Variants in STAB2 observed in about 807,000 individuals in gnomAD.
STAB2 encodes the protein stabilin 2.
A neutral mutation model predicts 338.1 loss-of-function variants in STAB2; 288 were observed. The observed-to-expected ratio is 0.85, with a 90% CI of 0.77 to 0.94. The LOEUF (loss-of-function observed/expected upper bound fraction) is 0.94, where lower values mean the gene tolerates loss of function less well. Among genes scored for constraint, STAB2 ranks in the 40% least tolerant of loss-of-function variants. The pLI, the probability that STAB2 is intolerant of heterozygous loss-of-function variation, is 0.00. For synonymous variants in STAB2, 1,202 were observed against 1,193.3 expected (o/e 1.01, Z -0.15); for missense variants, 3,141 against 3,210.1 (o/e 0.98, Z 0.52).
intron 3 of STAB2, among the ~76,000 whole-genome samples, chr12:103,603,942 G>A (rs1422222132): frequency 6.6e-6 from 1 of 152,100 alleles, no homozygotes; most frequent in Non-Finnish European, 1.5e-5. Flanking sequence ...ATTCTTATCA[G>A]ATTCACACCT....
intron 61 of STAB2, 98 bp from the exon 62 acceptor site, chr12:103,755,204 T>G: frequency 6.6e-7 from 1 of 1,510,086 alleles, no homozygotes; most frequent in Non-Finnish European, 8.9e-7. Context: ...TGAGACTTTA[T>G]GGGTTTTATG....
chr12:103,698,131 C>T (rs1878559374), intron 33 of STAB2, among the ~76,000 whole-genome samples: 1 of 152,136 alleles, frequency 6.6e-6, no homozygotes, highest in Non-Finnish European at 1.5e-5. Context: ...TTCCTCTTTC[C>T]CCTCCAGCCC....
At chr12:103,759,303 A>C (rs1884370342) in intron 65 of STAB2, 30 bp downstream of exon 65, 7 of 1,608,844 alleles carry the variant, frequency 4.4e-6, no homozygotes, top group Non-Finnish European at 5.9e-6. Flanking sequence ...TCTTGGGGGA[A>C]CGGGAGATAA....
chr12:103,716,322 G>T (rs759381463), intron 43 of STAB2, among the ~76,000 whole-genome samples: 7 of 152,212 alleles, frequency 4.6e-5, no homozygotes, highest in South Asian at 2.1e-4. Context: ...TGCAGCATCT[G>T]TCTGGAGAGC....
intron 3 of STAB2, among the ~76,000 whole-genome samples, chr12:103,596,345 C>T (rs541361254): frequency 6.6e-6 from 1 of 152,214 alleles, no homozygotes; most frequent in South Asian, 2.1e-4. Context: ...TCAGCATGTC[C>T]GACATATGAA....
chr12:103,762,396 T>A lies in STAB2; in HGVS notation c.7482T>A (p.His2494Gln). The stretch of plus-strand genomic sequence containing the variant: ...ACCGGAGAACAATCGGCTTCCAGCA[T>A]TTTGAGGTAAGAGAGAAAAATGGGA... ...RINRRTIGFQ[H>Q]FESEEDINVA... The change falls in exon 67 of 69, where the codon CAT becomes CAA. Residue 2494 changes from histidine to glutamine, a missense_variant. Transcript: ENST00000388887. 1 of 1,614,200 alleles carries A rather than the reference T, an allele frequency of 6.2e-7. No individual in the cohort carries two copies. Among genetic ancestry groups the A allele is most frequent in the Non-Finnish European group, 8.5e-7 (1 of 1,180,034 alleles).
chr12:103,674,219 C>A, intron 23 of STAB2, 132 bp downstream of exon 23: 1 of 1,049,614 alleles, frequency 9.5e-7, no homozygotes, highest in Non-Finnish European at 1.3e-6. Flanking sequence ...CTGTTATCTC[C>A]AGCTGACAGT....
rs1306613614 is a variant in STAB2, at chr12:103,703,262, A to C, written c.3829A>C (p.Thr1277Pro). ...IQKNRCDNNDTTIIRGRCRTC... is the reference protein window; with the variant it reads ...IQKNRCDNNDPTIIRGRCRTC... Reference sequence around the variant, plus strand: ...GAAGAACAGATGTGATAATAATGACACTACTATTATACGAGTAAGTTCTAT... The same window carrying C: ...GAAGAACAGATGTGATAATAATGACCCTACTATTATACGAGTAAGTTCTAT... Residue 1277 changes from threonine (T) to proline (P), a missense_variant, in exon 35 of 69, where the codon ACT becomes CCT. Coordinates refer to ENST00000388887, the MANE Select transcript of STAB2 (RefSeq NM_017564.10). 6.2e-7 allele frequency: 1 copy of C among 1,613,302 alleles called. No individual in the cohort carries two copies. Among genetic ancestry groups the C allele is most frequent in the Admixed American group, 1.7e-5 (1 of 60,026 alleles).
Position 103,718,166 on chromosome 12 carries a change from C to A in STAB2, c.4683+325C>A, listed in dbSNP as rs181033818. ...CATGTCTCTCACCTCCTCTAGGAAG[C>A]CATCTTAGGTAAACCTCACAGCAAC... On this transcript the variant is annotated intron_variant, in intron 44 of 68. Transcript: ENST00000388887. 6.8e-3 allele frequency among the ~76,000 whole-genome samples: 1,030 copies of A among 152,290 alleles called. 12 individuals are homozygous for A. Among genetic ancestry groups the A allele is most frequent in the African/African-American group, 0.024 (977 of 41,552 alleles).
Position 103,766,407 on chromosome 12 carries a change from G to A in STAB2, c.*71G>A. 6.5e-7 allele frequency: 1 copy of A among 1,537,244 alleles called. No individual in the cohort carries two copies. The highest frequency in any genetic ancestry group is 8.8e-7 in the Non-Finnish European group (1 of 1,137,722). On this transcript the variant is annotated 3_prime_UTR_variant, in exon 69 of 69. Coordinates refer to ENST00000388887, the MANE Select transcript of STAB2 (RefSeq NM_017564.10). Reference sequence around the variant, plus strand: ...CATCAACTGTGAATTCTCAGCACCAGTTGCCTTTTAGGAACGTAAAGTCCT... The same window carrying A: ...CATCAACTGTGAATTCTCAGCACCAATTGCCTTTTAGGAACGTAAAGTCCT...
intron 44 of STAB2, among the ~76,000 whole-genome samples, chr12:103,719,354 CAA>C (rs1487409481): frequency 6.6e-6 from 1 of 152,216 alleles, no homozygotes; most frequent in Non-Finnish European, 1.5e-5. Flanking sequence ...ATTTTACAGA[CAA>C]AGAGACTCTA....
At chr12:103,716,553 G>T (rs1382496623) in intron 43 of STAB2, among the ~76,000 whole-genome samples, 1 of 152,182 alleles carries the variant, frequency 6.6e-6, no homozygotes, top group Non-Finnish European at 1.5e-5. Flanking sequence ...TATTGACCTA[G>T]TTGAGCCATC....
chr12:103,718,637 G>A (rs1880521699), intron 44 of STAB2, among the ~76,000 whole-genome samples: 2 of 152,190 alleles, frequency 1.3e-5, no homozygotes, highest in South Asian at 4.1e-4. Context: ...ATGGACATTA[G>A]AAGAAAACAG....
chr12:103,753,548 G>A (rs1883857355), intron 61 of STAB2, among the ~76,000 whole-genome samples, 195 bp downstream of exon 61: 1 of 152,198 alleles, frequency 6.6e-6, no homozygotes, highest in Admixed American at 6.5e-5. Context: ...AGGGTACTTC[G>A]TGGATATTAT....
intron 44 of STAB2, among the ~76,000 whole-genome samples, chr12:103,719,693 T>A (rs1880601630): frequency 6.6e-6 from 1 of 152,236 alleles, no homozygotes. Flanking sequence ...TATCTGGAGA[T>A]CCTTAATTAC....
At chr12:103,631,120 G>T (rs10861060) in intron 5 of STAB2, among the ~76,000 whole-genome samples, 32,112 of 151,862 alleles carry the variant, frequency 0.21, 3,564 homozygotes, top group South Asian at 0.41. Context: ...AGAAAATATG[G>T]CATGGTTATT....
At chr12:103,740,537 G>C in intron 54 of STAB2, 93 bp from the exon 55 acceptor site, 2 of 1,500,288 alleles carry the variant, frequency 1.3e-6, no homozygotes, top group Admixed American at 5.3e-5. Flanking sequence ...TATTTGGGCA[G>C]TACCTAAGAC....
chr12:103,644,622 A>G (rs959864834), intron 9 of STAB2, among the ~76,000 whole-genome samples: 2 of 152,226 alleles, frequency 1.3e-5, no homozygotes, highest in African/African-American at 4.8e-5. Flanking sequence ...ATCCCCAACT[A>G]GAATATAAGG....
At chr12:103,666,068 G>A (rs1875067044) in intron 18 of STAB2, among the ~76,000 whole-genome samples, 1 of 152,182 alleles carries the variant, frequency 6.6e-6, no homozygotes, top group African/African-American at 2.4e-5. Flanking sequence ...AGCAGGCTCA[G>A]TTTTCTCTCC....
Sources: gnomAD v4.1 joint callset for allele counts (sites outside exome capture counted in the v4.1 genomes callset) on GRCh38, gnomAD v4.1.1 for gene constraint, MANE v1.5 for transcripts, NCBI Gene and HGNC (gene_info 2026-07-23, HGNC 2026-07-21) for gene names.